Variants in FXYD6 observed in about 807,000 individuals in gnomAD.
FXYD6 encodes the protein FXYD domain-containing ion transport regulator 6.
FXYD6 carries 7 observed loss-of-function variants against 16.7 expected under a neutral mutation model. That is an observed-to-expected ratio of 0.42 (90% CI 0.24 to 0.79). FXYD6 has a LOEUF of 0.79. Ranked by LOEUF, FXYD6 falls within the 30% of genes least tolerant of loss-of-function variation. FXYD6 has a pLI of 0.28. For synonymous variants in FXYD6, 49 were observed against 43.0 expected, an observed-to-expected ratio of 1.14 and a Z score of -0.54; for missense variants, 111 against 116.2, an observed-to-expected ratio of 0.95 and a Z score of 0.21.
chr11:117,840,465 C>T (rs1162016320), intron 5 of FXYD6, 97 bp from the exon 6 acceptor site: 1 of 1,540,268 alleles, frequency 6.5e-7, no homozygotes, highest in Non-Finnish European at 8.9e-7. Context: ...TGCCTGCAGT[C>T]AGGCTCCTCC....
rs189026569 is a variant in FXYD6 at position 117,837,334 on chromosome 11, A to C, written c.*965T>G. 1.5e-3 allele frequency: 233 copies of C among 152,622 alleles called. No homozygotes were observed. Among genetic ancestry groups the C allele is most frequent in the Non-Finnish European group, 2.7e-3 (187 of 68,124 alleles). 9.5% of individuals were successfully genotyped at this position (152,622 alleles called of 1,614,324 possible). ...CCATCCATCCCGGTGTGCTGGCCCC[A>C]ACGGAACAGGAGTCCTTCAACTATT... On this transcript the variant is annotated 3_prime_UTR_variant, in exon 8 of 8. Coordinates refer to ENST00000526014, the MANE Select transcript of FXYD6 (RefSeq NM_022003.4). The surrounding 1 kb of genome is among the most constrained non-coding windows in gnomAD (Gnocchi z 4.4).
At position 117,837,795 on chromosome 11, in the gene FXYD6, A is replaced by AAG. The variant is rs2134124684; in HGVS notation, c.*502_*503dup. ...AGTGCTGCAAACCTTCCCAGGTCCC[A>AAG]AGACGACTGAAGACCACTGCCCGTG... On this transcript the variant is annotated 3_prime_UTR_variant, in exon 8 of 8. Coordinates refer to ENST00000526014, the MANE Select transcript of FXYD6 (RefSeq NM_022003.4). The surrounding 1 kb of genome is among the most constrained non-coding windows in gnomAD (Gnocchi z 4.4). 1 of 193,884 alleles carries AAG rather than the reference A, an allele frequency of 5.2e-6. No homozygotes were observed. Among genetic ancestry groups the AAG allele is most frequent in the Non-Finnish European group, 1.1e-5 (1 of 92,386 alleles). 12.0% of individuals were successfully genotyped at this position (193,884 alleles called of 1,614,324 possible).
intron 7 of FXYD6, chr11:117,838,718 T>G (rs555131671): frequency 5.0e-6 from 1 of 199,146 alleles, no homozygotes; most frequent in African/African-American, 2.3e-5. Context: ...CCATTCGCAC[T>G]TAGGTGATCA....
At chr11:117,873,404 A>C (rs746903293) in intron 1 of FXYD6, among the ~76,000 whole-genome samples, 21 of 152,236 alleles carry the variant, frequency 1.4e-4, no homozygotes, top group Non-Finnish European at 3.1e-4. Context: ...AAAATCCGAA[A>C]GGCTTTCAGT....
intron 5 of FXYD6, among the ~76,000 whole-genome samples, chr11:117,840,771 G>C (rs1413358881): frequency 1.3e-5 from 2 of 152,142 alleles, no homozygotes; most frequent in African/African-American, 4.8e-5. Context: ...ATGAACAGGT[G>C]ACAAGTGGGG....
intron 1 of FXYD6, among the ~76,000 whole-genome samples, chr11:117,866,214 G>A (rs2057010448): frequency 6.6e-6 from 1 of 152,150 alleles, no homozygotes; most frequent in South Asian, 2.1e-4. Context: ...TCTTGAGATG[G>A]ATGGTGGTGA....
intron 2 of FXYD6, chr11:117,842,277 A>G: frequency 3.4e-6 from 2 of 596,112 alleles, no homozygotes; most frequent in Non-Finnish European, 5.9e-6. Context: ...ACCCACATTC[A>G]TTGCCCCTTT....
intron 1 of FXYD6, among the ~76,000 whole-genome samples, chr11:117,855,929 G>T (rs2056715947): frequency 6.6e-6 from 1 of 152,190 alleles, no homozygotes; most frequent in Admixed American, 6.5e-5. Flanking sequence ...CTGGAGAATG[G>T]AACCAATCAC....
At chr11:117,861,457 C>T (rs1206445644) in intron 1 of FXYD6, among the ~76,000 whole-genome samples, 1 of 152,208 alleles carries the variant, frequency 6.6e-6, no homozygotes, top group African/African-American at 2.4e-5. Flanking sequence ...AGGGCCCCAC[C>T]CTTCCCGAGT....
Position 117,841,202 on chromosome 11 carries a change from C to A in FXYD6, c.173-18G>T. The A allele has an allele frequency of 6.2e-7, 1 of 1,614,112 alleles. No homozygotes were observed. The highest frequency in any genetic ancestry group is 1.1e-5 in the South Asian group (1 of 91,078). ...CCTGCGACCTGAAAAGCAAAGAAAC[C>A]ATCCAAGGTCATGCTGCTGGCTTGG... On this transcript the variant is annotated intron_variant, in intron 4 of 7. Coordinates refer to ENST00000526014, the MANE Select transcript of FXYD6 (RefSeq NM_022003.4).
chr11:117,852,710 G>A (rs1206604923), intron 1 of FXYD6, among the ~76,000 whole-genome samples: 1 of 152,044 alleles, frequency 6.6e-6, no homozygotes, highest in Non-Finnish European at 1.5e-5. Context: ...TTCAAATATG[G>A]CCTCTCCTCC....
intron 1 of FXYD6, among the ~76,000 whole-genome samples, chr11:117,857,944 G>A (rs574931889): frequency 6.6e-6 from 1 of 152,284 alleles, no homozygotes; most frequent in East Asian, 1.9e-4. Context: ...ACCTGGGGGA[G>A]TGGTCAGTAT....
intron 1 of FXYD6, among the ~76,000 whole-genome samples, chr11:117,873,380 G>A (rs540680760): frequency 1.3e-5 from 2 of 152,314 alleles, no homozygotes; most frequent in East Asian, 3.9e-4. Context: ...TGACAGATGC[G>A]GAAACAAAGG....
chr11:117,840,293 C>T, intron 6 of FXYD6, 26 bp downstream of exon 6: 1 of 1,614,166 alleles, frequency 6.2e-7, no homozygotes, highest in Non-Finnish European at 8.5e-7. Flanking sequence ...TCTTTTCCAC[C>T]TGGGCAGGTG....
chr11:117,870,267 G>A lies in FXYD6; in HGVS notation c.-6+6325C>T, dbSNP rs2057106381. ...TGGTTCCCCAGGAGATCTCGGTCTG[G>A]CTCCAGAGAGTCTGAATGGTGAGTG... On this transcript the variant is annotated intron_variant, in intron 1 of 7. Transcript: ENST00000526014. The surrounding 1 kb of genome is among the most constrained non-coding windows in gnomAD (Gnocchi z 4.2). Among the ~76,000 whole-genome samples the A allele has an allele frequency of 6.6e-6, 1 of 152,234 alleles. No individual in the cohort carries two copies. Among genetic ancestry groups the A allele is most frequent in the Non-Finnish European group, 1.5e-5 (1 of 68,044 alleles).
intron 5 of FXYD6, 89 bp from the exon 6 acceptor site, chr11:117,840,457 C>T: frequency 6.4e-7 from 1 of 1,571,796 alleles, no homozygotes; most frequent in Non-Finnish European, 8.7e-7. Context: ...GGCACAGCTG[C>T]CTGCAGTCAG....
intron 7 of FXYD6, chr11:117,839,443 C>A: frequency 2.8e-6 from 1 of 353,734 alleles, no homozygotes; most frequent in African/African-American, 2.0e-5. Flanking sequence ...CACGGAAAGC[C>A]ATTATCTTTA....
intron 7 of FXYD6, 97 bp downstream of exon 7, chr11:117,839,684 C>T: frequency 6.7e-7 from 1 of 1,482,826 alleles, no homozygotes; most frequent in Non-Finnish European, 9.4e-7. Context: ...GTGCCCACTG[C>T]AAAAGCTAGC....
At chr11:117,867,528 CT>C (rs538077506) in intron 1 of FXYD6, among the ~76,000 whole-genome samples, 63 of 152,330 alleles carry the variant, frequency 4.1e-4, no homozygotes, top group African/African-American at 1.4e-3. Flanking sequence ...ACTAACCTTT[CT>C]AAAGTGTATT....
Sources: allele counts gnomAD v4.1 joint callset (sites outside exome capture counted in the v4.1 genomes callset), GRCh38; gene constraint gnomAD v4.1.1; non-coding constraint Gnocchi (gnomAD v3.1); transcripts MANE v1.5; gene names NCBI Gene and HGNC (gene_info 2026-07-23, HGNC 2026-07-21).